CEP128: variants seen among roughly 807,000 people sequenced by gnomAD.
The protein encoded by CEP128 is centrosomal protein 128.
CEP128 carries 132 observed loss-of-function variants against 156.7 expected under a neutral mutation model. The ratio of observed to expected loss-of-function variants is 0.84; its 90% CI spans 0.73 to 0.97. The LOEUF (loss-of-function observed/expected upper bound fraction) is 0.97. Ranked by LOEUF, CEP128 falls within the 50% of genes least tolerant of loss-of-function variation. The pLI is 0.00. For synonymous variants in CEP128, 469 were observed against 448.9 expected (o/e 1.04, Z -0.57); for missense variants, 1,252 against 1,281.9 (o/e 0.98, Z 0.36).
intron 2 of CEP128, chr14:80,954,951 C>A (rs1481872324): frequency 1.3e-5 from 2 of 153,376 alleles, no homozygotes; most frequent in Non-Finnish European, 2.9e-5. Context: ...TGAATTGCCT[C>A]GCGGAGCCGC....
At chr14:80,846,640 T>C (rs1224385469) in intron 9 of CEP128, among the ~76,000 whole-genome samples, 1 of 152,168 alleles carries the variant, frequency 6.6e-6, no homozygotes, top group Non-Finnish European at 1.5e-5. Context: ...AATGAGGAAC[T>C]GAATGGAGCA....
At chr14:80,784,157 T>C (rs1047407765) in intron 15 of CEP128, among the ~76,000 whole-genome samples, 1 of 152,128 alleles carries the variant, frequency 6.6e-6, no homozygotes, top group Non-Finnish European at 1.5e-5. Context: ...AAAACTGTTG[T>C]AGGCACTGGG....
At chr14:80,799,668 G>A (rs1883719094) in intron 13 of CEP128, among the ~76,000 whole-genome samples, 1 of 152,098 alleles carries the variant, frequency 6.6e-6, no homozygotes, top group Non-Finnish European at 1.5e-5. Context: ...TCTATAAACG[G>A]CCGCTCTGGG....
chr14:80,858,064 C>G (rs1214325645), intron 9 of CEP128, among the ~76,000 whole-genome samples: 1 of 152,088 alleles, frequency 6.6e-6, no homozygotes, highest in Non-Finnish European at 1.5e-5. Context: ...TCATATGGAA[C>G]CAAAAAAGAG....
intron 19 of CEP128, among the ~76,000 whole-genome samples, chr14:80,711,274 A>C (rs1264612524): frequency 6.6e-6 from 1 of 150,680 alleles, no homozygotes. Context: ...TATGGTCTAA[A>C]GACTGACATA....
intron 19 of CEP128, among the ~76,000 whole-genome samples, chr14:80,609,574 T>C (rs1357033491): frequency 6.6e-6 from 1 of 152,132 alleles, no homozygotes; most frequent in Admixed American, 6.5e-5. Flanking sequence ...ATTTTAGCCA[T>C]AATTATTGGA....
At chr14:80,647,240 T>C (rs1368671002) in intron 19 of CEP128, among the ~76,000 whole-genome samples, 1 of 151,370 alleles carries the variant, frequency 6.6e-6, no homozygotes, top group Non-Finnish European at 1.5e-5. Flanking sequence ...AAAATTCCTG[T>C]GCCTAAGTTT....
At chr14:80,628,261 T>C (rs1258415184) in intron 19 of CEP128, among the ~76,000 whole-genome samples, 1 of 152,192 alleles carries the variant, frequency 6.6e-6, no homozygotes, top group Non-Finnish European at 1.5e-5. Context: ...AAGTCTTTCC[T>C]TTCCTATTCT....
Position 80,584,929 on chromosome 14 carries a change from G to C in CEP128, c.2807-4506C>G, listed in dbSNP as rs576588428. 4.6e-5 allele frequency among the ~76,000 whole-genome samples: 7 copies of C among 152,320 alleles called. No homozygotes were observed. The South Asian group carries it at 1.4e-3, about 32-fold the overall frequency. Reference sequence around the variant, plus strand: ...TCCCTTGCTCACCACTGACATGTTCGTGTTTTCTTTTATTACTCTCTGGTT... The same window carrying C: ...TCCCTTGCTCACCACTGACATGTTCCTGTTTTCTTTTATTACTCTCTGGTT... On this transcript the variant is annotated intron_variant, in intron 19 of 24. Transcript: ENST00000555265.
intron 19 of CEP128, among the ~76,000 whole-genome samples, chr14:80,697,142 A>G (rs1165358926): frequency 1.3e-5 from 2 of 152,140 alleles, no homozygotes; most frequent in Non-Finnish European, 2.9e-5. Context: ...ATTAAATGTT[A>G]GCAACTGAAA....
intron 7 of CEP128, among the ~76,000 whole-genome samples, chr14:80,899,714 G>C (rs1358594473): frequency 6.6e-6 from 1 of 152,064 alleles, no homozygotes; most frequent in Admixed American, 6.5e-5. Flanking sequence ...GCATTCCATT[G>C]TATTAAGTTA....
chr14:80,530,726 A>G, intron 22 of CEP128, 83 bp downstream of exon 22: 1 of 962,376 alleles, frequency 1.0e-6, no homozygotes, highest in Admixed American at 2.5e-5. Flanking sequence ...TTCCTTTTCT[A>G]TACTTTTCTT....
chr14:80,675,889 C>T lies in CEP128; in HGVS notation c.2806+67186G>A, dbSNP rs76010708. On this transcript the variant is annotated intron_variant, in intron 19 of 24. Coordinates refer to ENST00000555265, the MANE Select transcript of CEP128 (RefSeq NM_152446.5). ...ATATTTCAGGCTTTTACATCTATTCCTGTGTTGCCAGGATTGTTACTGAAT... is the reference window on the plus strand; with the variant it reads ...ATATTTCAGGCTTTTACATCTATTCTTGTGTTGCCAGGATTGTTACTGAAT... Among the ~76,000 whole-genome samples the T allele has an allele frequency of 2.0e-3, 300 of 152,138 alleles. 2 individuals are homozygous for T. Among genetic ancestry groups the T allele is most frequent in the African/African-American group, 7.0e-3 (291 of 41,546 alleles).
At chr14:80,613,627 G>A (rs908817657) in intron 19 of CEP128, among the ~76,000 whole-genome samples, 3 of 151,988 alleles carry the variant, frequency 2.0e-5, no homozygotes, top group African/African-American at 7.3e-5. Context: ...TTTTTAAAAT[G>A]TAAAATTATT....
chr14:80,496,821 C>T lies in CEP128; in HGVS notation c.*658G>A, dbSNP rs1250504357. The stretch of plus-strand genomic sequence containing the variant: ...CAAAAAGACAAATAAATAAATTGTG[C>T]TATGAATTCTTTACAGTGCTCTACA... On this transcript the variant is annotated 3_prime_UTR_variant, in exon 25 of 25. Coordinates refer to ENST00000555265, the MANE Select transcript of CEP128 (RefSeq NM_152446.5). 6.6e-6 allele frequency: 1 copy of T among 152,096 alleles called. No individual in the cohort carries two copies. The highest frequency in any genetic ancestry group is 1.5e-5 in the Non-Finnish European group (1 of 68,026). The allele number at this position is 152,096 out of a possible 1,614,324, so 9.4% of individuals were successfully genotyped here. A position where few individuals can be genotyped will look rare whatever the true frequency, so the allele number is the denominator to read the frequency against.
intron 8 of CEP128, among the ~76,000 whole-genome samples, chr14:80,885,018 T>C (rs369260474): frequency 2.6e-4 from 39 of 152,216 alleles, no homozygotes; most frequent in African/African-American, 7.5e-4. Context: ...AGTGTTAACC[T>C]TGACTGTGAG....
intron 19 of CEP128, among the ~76,000 whole-genome samples, chr14:80,605,759 C>A (rs911917456): frequency 4.6e-5 from 7 of 151,980 alleles, no homozygotes; most frequent in Non-Finnish European, 2.9e-5. Context: ...ATCAGACAGA[C>A]CTTCCAAAGG....
chr14:80,788,271 C>G (rs1370644565), intron 14 of CEP128, among the ~76,000 whole-genome samples: 1 of 129,396 alleles, frequency 7.7e-6, no homozygotes, highest in African/African-American at 2.9e-5. Flanking sequence ...ATTGGGTTCT[C>G]TTTGTCTGGC....
At chr14:80,583,210 C>G (rs1891661552) in intron 19 of CEP128, among the ~76,000 whole-genome samples, 1 of 152,188 alleles carries the variant, frequency 6.6e-6, no homozygotes, top group Non-Finnish European at 1.5e-5. Context: ...CAATGCTTGA[C>G]TTGGGATGGC....
Sources: gnomAD v4.1 joint callset for allele counts (sites outside exome capture counted in the v4.1 genomes callset) on GRCh38, gnomAD v4.1.1 for gene constraint, MANE v1.5 for transcripts, NCBI Gene and HGNC (gene_info 2026-07-23, HGNC 2026-07-21) for gene names.